Variants in RYR3 observed in about 807,000 individuals in gnomAD.
RYR3 encodes the protein brain ryanodine receptor-calcium release channel.
RYR3 carries 207 observed loss-of-function variants against 584.3 expected under a neutral mutation model. That is an observed-to-expected ratio of 0.35 (90% confidence interval 0.32 to 0.40). RYR3 has a LOEUF of 0.40. RYR3 is among the 10% of genes least tolerant of loss of function. RYR3 has a pLI of 1.00. For synonymous variants in RYR3, 2,416 were observed against 2,248.5 expected, an observed-to-expected ratio of 1.07 and a Z score of -2.11; for missense variants, 5,616 against 6,089.2, an observed-to-expected ratio of 0.92 and a Z score of 2.59.
At chr15:33,664,595 A>ATG (rs1347378075) in intron 36 of RYR3, among the ~76,000 whole-genome samples, 1 of 123,860 alleles carries the variant, frequency 8.1e-6, no homozygotes, top group Non-Finnish European at 1.6e-5. Flanking sequence ...GTGTGTATAT[A>ATG]TATATATATA....
chr15:33,389,971 A>G (rs1166920989), intron 1 of RYR3, among the ~76,000 whole-genome samples: 1 of 152,226 alleles, frequency 6.6e-6, no homozygotes, highest in African/African-American at 2.4e-5. Flanking sequence ...CTTTGGCTAT[A>G]AAAAGTTACA....
chr15:33,321,784 C>T (rs112572947), intron 1 of RYR3, among the ~76,000 whole-genome samples: 14 of 152,184 alleles, frequency 9.2e-5, no homozygotes, highest in East Asian at 1.9e-4. Flanking sequence ...AGGAGAGTTC[C>T]GGTGCTGAAT....
chr15:33,825,566 G>A (rs369105975), intron 81 of RYR3, 37 bp from the exon 82 acceptor site: 64 of 1,398,696 alleles, frequency 4.6e-5, no homozygotes, highest in African/African-American at 4.4e-4. Flanking sequence ...CCCAGCGTGC[G>A]TAGCCCTGAA....
At chr15:33,377,409 C>T (rs2141153692) in intron 1 of RYR3, among the ~76,000 whole-genome samples, 1 of 152,256 alleles carries the variant, frequency 6.6e-6, no homozygotes, top group South Asian at 2.1e-4. Context: ...AAGTGTCTGG[C>T]CTAGATATTC....
Position 33,838,862 on chromosome 15 carries a change from T to G in RYR3, c.12882T>G (p.His4294Gln). 2 of 1,613,964 alleles carry G rather than the reference T, an allele frequency of 1.2e-6. No homozygotes were observed. ...LHPKKEGSLKHGPEVGLGDLS... is the reference protein window; with the variant it reads ...LHPKKEGSLKQGPEVGLGDLS... ...CAAAGAAAGAGGGCAGCTTAAAGCA[T>G]GGGCCTGAAGTGGGTTTGGGTGACC... Residue 4294 changes from histidine to glutamine, a missense_variant, in exon 89 of 104, where the codon CAT (histidine) becomes CAG (glutamine). By Grantham distance (24) the His-to-Gln change is conservative (BLOSUM62 0). Around this residue, in one of 9 missense-constraint regions of RYR3, gnomAD observed 918 missense variants for 887.4 expected, o/e 1.03. Coordinates refer to ENST00000634891, the MANE Select transcript of RYR3 (RefSeq NM_001036.6).
chr15:33,729,882 C>T (rs1190176771), intron 47 of RYR3, among the ~76,000 whole-genome samples: 1 of 152,068 alleles, frequency 6.6e-6, no homozygotes, highest in South Asian at 2.1e-4. Flanking sequence ...GGGTTGTCAG[C>T]GGCAAATACC....
At chr15:33,746,454 G>T (rs1471913778) in intron 53 of RYR3, among the ~76,000 whole-genome samples, 1 of 152,230 alleles carries the variant, frequency 6.6e-6, no homozygotes, top group Non-Finnish European at 1.5e-5. Context: ...GAACCAGGAA[G>T]GGGTTTGGTT....
chr15:33,367,229 A>G (rs1201517118), intron 1 of RYR3, among the ~76,000 whole-genome samples: 2 of 152,224 alleles, frequency 1.3e-5, no homozygotes, highest in Admixed American at 6.5e-5. Flanking sequence ...TGCATTTCTG[A>G]AAAAAAGTTC....
At chr15:33,624,289 A>G (rs1336403396) in intron 20 of RYR3, among the ~76,000 whole-genome samples, 1 of 152,238 alleles carries the variant, frequency 6.6e-6, no homozygotes, top group African/African-American at 2.4e-5. Flanking sequence ...GGGAATTCTC[A>G]ACCAAGTTAA....
chr15:33,861,241 T>C (rs1362221879), intron 102 of RYR3, 63 bp downstream of exon 102: 22 of 1,194,446 alleles, frequency 1.8e-5, no homozygotes, highest in Middle Eastern at 1.9e-4. Context: ...AATTAGGTCA[T>C]ATAGTTCAGT....
intron 36 of RYR3, among the ~76,000 whole-genome samples, chr15:33,667,698 T>C (rs1211970274): frequency 6.6e-6 from 1 of 152,218 alleles, no homozygotes; most frequent in Non-Finnish European, 1.5e-5. Flanking sequence ...GCATTTAAAA[T>C]ATTAATCAGA....
At chr15:33,701,532 T>C (rs1373259410) in intron 42 of RYR3, among the ~76,000 whole-genome samples, 3 of 152,146 alleles carry the variant, frequency 2.0e-5, no homozygotes, top group Non-Finnish European at 4.4e-5. Flanking sequence ...GTGGAGCTGG[T>C]TGAGGCGGCC....
At chr15:33,613,122 T>C (rs2060278685) in intron 18 of RYR3, 61 bp from the exon 19 acceptor site, 3 of 1,370,512 alleles carry the variant, frequency 2.2e-6, no homozygotes, top group Non-Finnish European at 2.1e-6. Context: ...CTCTGAGCCT[T>C]TCTCAGCCTA....
Position 33,865,269 on chromosome 15 carries a change from C to T in RYR3, c.*43C>T. The T allele has an allele frequency of 1.4e-6, 2 of 1,429,120 alleles. No homozygotes were observed. The highest frequency in any genetic ancestry group is 1.8e-4 in the Middle Eastern group (1 of 5,672). 88.5% of individuals were successfully genotyped at this position (1,429,120 alleles called of 1,614,324 possible). On this transcript the variant is annotated 3_prime_UTR_variant, in exon 104 of 104. Coordinates refer to ENST00000634891, the MANE Select transcript of RYR3 (RefSeq NM_001036.6). ...GCGACAATTCTGGACAGTCAACTTC[C>T]CATGAAATAAAGTCCCCTTTTTACA...
At chr15:33,466,189 A>AG (rs879709894) in intron 1 of RYR3, among the ~76,000 whole-genome samples, 3 of 152,126 alleles carry the variant, frequency 2.0e-5, no homozygotes, top group Admixed American at 6.5e-5. Flanking sequence ...CAAGAAGGGG[A>AG]GAGTACAGGT....
intron 69 of RYR3, among the ~76,000 whole-genome samples, chr15:33,804,331 A>G (rs2076071259): frequency 6.6e-6 from 1 of 152,204 alleles, no homozygotes; most frequent in Non-Finnish European, 1.5e-5. Context: ...TCAGGGTAAC[A>G]AGAGTTCATA....
chr15:33,513,684 C>T (rs146418004), intron 3 of RYR3, among the ~76,000 whole-genome samples: 56 of 152,152 alleles, frequency 3.7e-4, no homozygotes, highest in African/African-American at 1.1e-3. Flanking sequence ...TTCTGAGTTC[C>T]GTGATGTTGC....
At position 33,652,753 on chromosome 15, in the gene RYR3, G is replaced by A; in HGVS notation, c.4178G>A (p.Gly1393Glu). 6.2e-7 allele frequency: 1 copy of A among 1,613,776 alleles called. No homozygotes were observed. The highest frequency in any genetic ancestry group is 8.5e-7 in the Non-Finnish European group (1 of 1,179,778). Residue 1393 changes from glycine to glutamate, a missense_variant, in exon 32 of 104, where the codon GGA becomes GAA. Coordinates refer to ENST00000634891, the MANE Select transcript of RYR3 (RefSeq NM_001036.6). ...AGCAACTGCTACATGGTCTGGGGTG[G>A]AGACATTGTAGCCAGTTCCCAGAGA... ...KRSNCYMVWG[G>E]DIVASSQRSN... is the part of the protein sequence containing the mutation.
intron 32 of RYR3, among the ~76,000 whole-genome samples, chr15:33,656,973 T>A (rs924779638): frequency 6.6e-6 from 1 of 152,202 alleles, no homozygotes; most frequent in Admixed American, 6.5e-5. Context: ...ATCTGCAGAA[T>A]GCCTTTTGCC....
Sources: allele counts gnomAD v4.1 joint callset (sites outside exome capture counted in the v4.1 genomes callset), GRCh38; gene constraint gnomAD v4.1.1; regional missense constraint gnomAD v4.1.1; transcripts MANE v1.5; gene names NCBI Gene and HGNC (gene_info 2026-07-23, HGNC 2026-07-21).